Variants in WARS2 observed in about 807,000 individuals in gnomAD.
WARS2 encodes the protein tryptophanyl tRNA synthetase 2, mitochondrial, also known as tryptophan--tRNA ligase, mitochondrial.
Under a neutral mutation model 36.5 loss-of-function variants are expected in WARS2, and 28 were observed. That is an observed-to-expected ratio of 0.77 (90% CI 0.57 to 1.05). The LOEUF is 1.05. Among genes scored for constraint, WARS2 ranks in the 50% least tolerant of loss-of-function variants. WARS2 has a pLI of 0.00. For synonymous variants in WARS2, 174 were observed against 178.4 expected (o/e 0.98, Z 0.20); for missense variants, 435 against 456.8 (o/e 0.95, Z 0.44).
At chr1:119,118,145 G>A (rs587639298) in intron 1 of WARS2, among the ~76,000 whole-genome samples, 1 of 151,996 alleles carries the variant, frequency 6.6e-6, no homozygotes, top group East Asian at 1.9e-4. Flanking sequence ...AGAGGCACCA[G>A]AAAAAGGTGA....
At chr1:119,128,486 C>G (rs183039303) in intron 1 of WARS2, among the ~76,000 whole-genome samples, 213 of 152,290 alleles carry the variant, frequency 1.4e-3, no homozygotes, top group Admixed American at 2.2e-3. Context: ...ATCTCTGTCT[C>G]CCTTTTTTAA....
chr1:119,040,907 T>G (rs1214891599), intron 4 of WARS2, among the ~76,000 whole-genome samples: 1 of 152,172 alleles, frequency 6.6e-6, no homozygotes, highest in Non-Finnish European at 1.5e-5. Flanking sequence ...GAGAATATTG[T>G]TCTAGCCTTT....
chr1:119,052,671 G>A (rs1649463682), intron 2 of WARS2, among the ~76,000 whole-genome samples: 1 of 152,078 alleles, frequency 6.6e-6, no homozygotes, highest in Non-Finnish European at 1.5e-5. Context: ...TGCTTATTGT[G>A]CTTGTGTGTG....
chr1:119,066,287 G>A (rs1005076477), intron 2 of WARS2, among the ~76,000 whole-genome samples: 1 of 152,000 alleles, frequency 6.6e-6, no homozygotes, highest in African/African-American at 2.4e-5. Flanking sequence ...AACCATCCTG[G>A]CTAATACGGT....
intron 1 of WARS2, among the ~76,000 whole-genome samples, chr1:119,137,445 C>T (rs1195470035): frequency 6.6e-6 from 1 of 152,118 alleles, no homozygotes; most frequent in Non-Finnish European, 1.5e-5. Context: ...CTAGGAACCG[C>T]TAATAATGAA....
chr1:119,088,435 A>AACAC (rs113752727), intron 1 of WARS2, among the ~76,000 whole-genome samples: 4,660 of 149,118 alleles, frequency 0.031, 106 homozygotes, highest in East Asian at 0.066. Flanking sequence ...GAAACACTGA[A>AACAC]ACACACACAC....
Position 119,032,698 on chromosome 1 carries a change from T to G in WARS2, c.*213A>C. On this transcript the variant is annotated 3_prime_UTR_variant, in exon 6 of 6. Coordinates refer to ENST00000235521, the MANE Select transcript of WARS2 (RefSeq NM_015836.4). ...ACAGCTATGCCTTCTTGATTTATTT[T>G]TTGTTGTTGTTGTTCACAGCATTTT... 1 of 563,786 alleles carries G rather than the reference T, an allele frequency of 1.8e-6. No individual in the cohort carries two copies. Among genetic ancestry groups the G allele is most frequent in the South Asian group, 2.5e-5 (1 of 40,560 alleles). The allele number at this position is 563,786 out of a possible 1,614,324, so 34.9% of individuals were successfully genotyped here.
intron 2 of WARS2, among the ~76,000 whole-genome samples, chr1:119,049,348 TTCAGTC>T (rs1187051009): frequency 6.6e-6 from 1 of 152,180 alleles, no homozygotes; most frequent in Non-Finnish European, 1.5e-5. Context: ...AGTTTCTCTT[TTCAGTC>T]TCCTTTTGCT....
At chr1:119,078,540 G>A (rs1651913031) in intron 1 of WARS2, among the ~76,000 whole-genome samples, 1 of 152,032 alleles carries the variant, frequency 6.6e-6, no homozygotes, top group Non-Finnish European at 1.5e-5. Flanking sequence ...ATGGAAATGA[G>A]GTAGAATCTC....
intron 1 of WARS2, among the ~76,000 whole-genome samples, chr1:119,101,833 G>A (rs1653889429): frequency 6.6e-6 from 1 of 152,152 alleles, no homozygotes; most frequent in African/African-American, 2.4e-5. Context: ...ACAAGCCGCA[G>A]AACAATGTGT....
intron 1 of WARS2, among the ~76,000 whole-genome samples, chr1:119,093,493 T>C (rs1203406407): frequency 1.3e-5 from 2 of 150,770 alleles, no homozygotes; most frequent in Non-Finnish European, 2.9e-5. Flanking sequence ...ATGACTTGTG[T>C]CCTTAAAAGA....
intron 2 of WARS2, among the ~76,000 whole-genome samples, chr1:119,048,103 A>G (rs1008229866): frequency 2.0e-5 from 3 of 152,256 alleles, no homozygotes; most frequent in Admixed American, 1.3e-4. Context: ...GATTGAGGCA[A>G]AAGCAGTTTC....
chr1:119,100,070 C>T (rs1241064678), intron 1 of WARS2, among the ~76,000 whole-genome samples: 1 of 152,116 alleles, frequency 6.6e-6, no homozygotes, highest in African/African-American at 2.4e-5. Flanking sequence ...GACTAATACC[C>T]AGAATATACA....
At chr1:119,089,326 C>T (rs2101397238) in intron 1 of WARS2, among the ~76,000 whole-genome samples, 1 of 152,290 alleles carries the variant, frequency 6.6e-6, no homozygotes, top group South Asian at 2.1e-4. Context: ...ACCACATTTG[C>T]ATCATCAGAC....
chr1:119,057,435 C>A (rs762421832), intron 2 of WARS2, among the ~76,000 whole-genome samples: 1 of 151,660 alleles, frequency 6.6e-6, no homozygotes, highest in African/African-American at 2.4e-5. Flanking sequence ...TGAGTCACTG[C>A]GCCTGGCCCC....
chr1:119,091,017 G>A (rs1317996774), intron 1 of WARS2, among the ~76,000 whole-genome samples: 1 of 152,140 alleles, frequency 6.6e-6, no homozygotes, highest in Non-Finnish European at 1.5e-5. Context: ...TAAATAATGG[G>A]AAATTAAGAC....
At chr1:119,111,245 A>G (rs1039911391) in intron 1 of WARS2, among the ~76,000 whole-genome samples, 1 of 152,164 alleles carries the variant, frequency 6.6e-6, no homozygotes, top group Non-Finnish European at 1.5e-5. Context: ...GAACTTCAGT[A>G]AACAGGCTTT....
rs556602924 is a variant in WARS2 at position 119,048,794 on chromosome 1, G to C, written c.349-3132C>G. 3.3e-3 allele frequency among the ~76,000 whole-genome samples: 468 copies of C among 143,402 alleles called. 2 individuals are homozygous for C. The highest frequency in any genetic ancestry group is 0.014 in the Middle Eastern group (4 of 276). The allele number at this position is 143,402 out of a possible 152,430, so 94.1% of individuals were successfully genotyped here. On this transcript the variant is annotated intron_variant, in intron 2 of 5. Transcript: ENST00000235521. ...AAAACCCCAAGACCCGGCCAGGCGC[G>C]GTGGCTCACGCCTGTAATCATCACT...
intron 2 of WARS2, chr1:119,064,700 T>G (rs1361240523): frequency 6.2e-6 from 1 of 161,058 alleles, no homozygotes; most frequent in African/African-American, 2.4e-5. Flanking sequence ...GCCGCTGGTG[T>G]GTAAGAAGTG....
Sources: allele counts gnomAD v4.1 joint callset (sites outside exome capture counted in the v4.1 genomes callset), GRCh38; gene constraint gnomAD v4.1.1; transcripts MANE v1.5; gene names NCBI Gene and HGNC (gene_info 2026-07-23, HGNC 2026-07-21).